ADARB2: variants seen among roughly 807,000 people sequenced by gnomAD.
ADARB2 encodes the protein inactive double-stranded RNA-specific editase B2.
ADARB2 carries 25 observed loss-of-function variants against 62.2 expected under a neutral mutation model. The ratio of observed to expected loss-of-function variants is 0.40; its 90% CI spans 0.29 to 0.56. ADARB2 has a LOEUF of 0.56. Ranked by LOEUF, ADARB2 falls within the 20% of genes least tolerant of loss-of-function variation. ADARB2 has a pLI of 0.43. For synonymous variants in ADARB2, 572 were observed against 500.8 expected (o/e 1.14, Z -1.90); for missense variants, 1,071 against 1,077.4 (o/e 0.99, Z 0.08).
At chr10:1,677,059 A>G (rs1834475355) in intron 1 of ADARB2, among the ~76,000 whole-genome samples, 4 of 152,378 alleles carry the variant, frequency 2.6e-5, no homozygotes, top group African/African-American at 9.6e-5. Flanking sequence ...GCTTCACCCC[A>G]GCACTAAGGA....
rs1831074741 is a variant in ADARB2, at chr10:1,255,820, A to G, written c.1193-13521T>C. Among the ~76,000 whole-genome samples the G allele has an allele frequency of 6.6e-6, 1 of 152,150 alleles. No homozygotes were observed. Among genetic ancestry groups the G allele is most frequent in the African/African-American group, 2.4e-5 (1 of 41,446 alleles). On this transcript the variant is annotated intron_variant, in intron 4 of 9. Coordinates refer to ENST00000381312, the MANE Select transcript of ADARB2 (RefSeq NM_018702.4). The surrounding 1 kb of genome is among the most constrained non-coding windows in gnomAD (Gnocchi z 4.7). ...GTCTGTGACTCATGGTGGGTCAAAC[A>G]CACTATAGCCCCATCAGCGGGCAGG... is the stretch of plus-strand genomic sequence containing the variant.
chr10:1,619,219 ATAAG>A (rs986779868), intron 1 of ADARB2, among the ~76,000 whole-genome samples: 33 of 152,108 alleles, frequency 2.2e-4, no homozygotes, highest in Admixed American at 8.5e-4. Context: ...GATTAGATAA[ATAAG>A]TAAGATTTAG....
intron 1 of ADARB2, among the ~76,000 whole-genome samples, chr10:1,688,813 A>G (rs940551632): frequency 2.6e-5 from 4 of 152,230 alleles, no homozygotes; most frequent in African/African-American, 9.6e-5. Flanking sequence ...AAGCCTTTTT[A>G]TACACCTTCT....
chr10:1,526,670 T>C (rs549046013), intron 1 of ADARB2: 31 of 244,094 alleles, frequency 1.3e-4, no homozygotes, highest in African/African-American at 7.2e-4. Context: ...CCACGCTTCC[T>C]GTACAGCCTG....
intron 1 of ADARB2, among the ~76,000 whole-genome samples, chr10:1,732,142 T>C (rs964348313): frequency 5.3e-5 from 8 of 152,012 alleles, no homozygotes; most frequent in Admixed American, 6.6e-5. Flanking sequence ...GGTATAAAAA[T>C]TGCTCAAATG....
At chr10:1,553,698 T>C (rs2131980347) in intron 1 of ADARB2, among the ~76,000 whole-genome samples, 1 of 152,264 alleles carries the variant, frequency 6.6e-6, no homozygotes, top group Middle Eastern at 3.4e-3. Context: ...AGCCTAAAAA[T>C]ACATGCTTTT....
chr10:1,494,754 C>A (rs1013539569), intron 1 of ADARB2, among the ~76,000 whole-genome samples: 8 of 152,068 alleles, frequency 5.3e-5, no homozygotes, highest in Non-Finnish European at 1.5e-5. Flanking sequence ...TCAGGTGGAG[C>A]CAAGGGGTGA....
intron 1 of ADARB2, among the ~76,000 whole-genome samples, chr10:1,686,874 G>A (rs1191764041): frequency 1.3e-5 from 2 of 150,112 alleles, no homozygotes; most frequent in African/African-American, 2.4e-5. Flanking sequence ...ACTTTGACAC[G>A]TGAAAGTTTC....
chr10:1,474,214 C>T (rs1831367781), intron 1 of ADARB2, among the ~76,000 whole-genome samples: 1 of 152,244 alleles, frequency 6.6e-6, no homozygotes, highest in African/African-American at 2.4e-5. Context: ...TCCATGGACA[C>T]CCTGCTCCTT....
Position 1,278,121 on chromosome 10 carries a change from C to T in ADARB2, c.1078-7052G>A, listed in dbSNP as rs566702782. ...AGTAGCTGGGACTACAGGCGCGCGC[C>T]ACTATGCCTGGCTAATTTTAGTTTA... On this transcript the variant is annotated intron_variant, in intron 3 of 9. Coordinates refer to ENST00000381312, the MANE Select transcript of ADARB2 (RefSeq NM_018702.4). Among the ~76,000 whole-genome samples, 5 of 152,104 alleles carry T rather than the reference C, an allele frequency of 3.3e-5. No homozygotes were observed. In the South Asian group the frequency reaches 1.0e-3, roughly 32 times the overall value.
At chr10:1,419,378 T>C (rs375045323) in intron 1 of ADARB2, among the ~76,000 whole-genome samples, 48 of 152,346 alleles carry the variant, frequency 3.2e-4, no homozygotes, top group African/African-American at 1.2e-3. Context: ...CTACTCCCAA[T>C]TTAATATATA....
At chr10:1,327,287 T>G (rs1425554605) in intron 3 of ADARB2, among the ~76,000 whole-genome samples, 13 of 48,078 alleles carry the variant, frequency 2.7e-4, no homozygotes, top group African/African-American at 6.0e-4. Flanking sequence ...GCCTCCTCAC[T>G]GCCCAGCGCC....
intron 1 of ADARB2, among the ~76,000 whole-genome samples, chr10:1,702,709 G>T (rs918016330): frequency 1.3e-5 from 2 of 152,186 alleles, no homozygotes; most frequent in Admixed American, 6.5e-5. Context: ...GCCTCTCTGG[G>T]CCCCACATTT....
intron 2 of ADARB2, among the ~76,000 whole-genome samples, chr10:1,365,620 A>G (rs1006574715): frequency 3.9e-5 from 6 of 152,144 alleles, no homozygotes; most frequent in Admixed American, 2.6e-4. Flanking sequence ...CTTTAAAAAG[A>G]CCTGTAATGT....
chr10:1,399,884 C>T (rs1832647570), intron 1 of ADARB2, among the ~76,000 whole-genome samples: 1 of 152,088 alleles, frequency 6.6e-6, no homozygotes, highest in African/African-American at 2.4e-5. Context: ...ACACAGGAGG[C>T]CCTGGTGGGA....
intron 2 of ADARB2, among the ~76,000 whole-genome samples, chr10:1,365,533 G>A (rs4554799): frequency 0.27 from 40,959 of 152,078 alleles, 6,245 homozygotes; most frequent in Middle Eastern, 0.43. Context: ...TCAAAATCTG[G>A]TCCCTTGCAG....
intron 1 of ADARB2, among the ~76,000 whole-genome samples, chr10:1,418,575 C>A (rs1832825736): frequency 6.6e-6 from 1 of 152,166 alleles, no homozygotes; most frequent in African/African-American, 2.4e-5. Context: ...AAACAGCCCG[C>A]AGTAAAAAGC....
chr10:1,600,358 G>A (rs937470758), intron 1 of ADARB2, among the ~76,000 whole-genome samples: 2 of 152,020 alleles, frequency 1.3e-5, no homozygotes, highest in African/African-American at 4.8e-5. Context: ...ATAGAGGATG[G>A]ATATTAAGAT....
intron 1 of ADARB2, among the ~76,000 whole-genome samples, chr10:1,541,858 C>T (rs1298015125): frequency 1.2e-4 from 3 of 25,324 alleles, no homozygotes; most frequent in Non-Finnish European, 7.4e-5. Context: ...CACTCAGACG[C>T]AGTTCAGACC....
Sources: gnomAD v4.1 joint callset for allele counts (sites outside exome capture counted in the v4.1 genomes callset) on GRCh38, gnomAD v4.1.1 for gene constraint, Gnocchi (gnomAD v3.1) non-coding constraint, MANE v1.5 for transcripts, NCBI Gene and HGNC (gene_info 2026-07-23, HGNC 2026-07-21) for gene names.